The following NF1 variants were observed in gnomAD, a reference collection of about 807,000 sequenced individuals.
NF1 encodes neurofibromin 1.
A neutral mutation model predicts 325.7 loss-of-function variants in NF1; 122 were observed. The ratio of observed to expected loss-of-function variants is 0.37; its 90% CI spans 0.32 to 0.44. The LOEUF is 0.44. NF1 is among the 20% of genes least tolerant of loss of function. NF1 has a pLI of 1.00. For synonymous variants in NF1, 1,091 were observed against 1,186.0 expected (o/e 0.92, Z 1.65); for missense variants, 2,140 against 3,415.4 (o/e 0.63, Z 9.31).
chr17:31,169,959 T>C lies in NF1; in HGVS notation c.548T>C (p.Ile183Thr). 6.3e-7 allele frequency: 1 copy of C among 1,598,618 alleles called. No homozygotes were observed. Among genetic ancestry groups the C allele is most frequent in the South Asian group, 1.1e-5 (1 of 90,762 alleles). Residue 183 changes from isoleucine to threonine, a missense_variant, in exon 5 of 58, where the codon ATC (isoleucine) becomes ACC (threonine). By Grantham distance (89) the Ile-to-Thr change is moderately conservative. Transcript: ENST00000358273. ...CATGATATAGAATTGTTACAGTATA[T>C]CAATGTGGATTGTGCAAAATTAAAA... ...DVHDIELLQY[I>T]NVDCAKLKRL...
intron 55 of NF1, 47 bp downstream of exon 55, chr17:31,358,669 T>C: frequency 6.2e-7 from 1 of 1,604,544 alleles, no homozygotes; most frequent in Non-Finnish European, 8.5e-7. Flanking sequence ...CTTGCTAACA[T>C]GCGCGCTGTT....
chr17:31,277,698 C>T (rs914098542), intron 36 of NF1, among the ~76,000 whole-genome samples: 4 of 152,060 alleles, frequency 2.6e-5, no homozygotes, highest in South Asian at 2.1e-4. Flanking sequence ...TTTTTGGCTC[C>T]GTTTCTGCAG....
intron 35 of NF1, among the ~76,000 whole-genome samples, chr17:31,262,563 G>T (rs556354907): frequency 1.3e-5 from 2 of 152,272 alleles, no homozygotes; most frequent in Admixed American, 1.3e-4. Context: ...GAATAAAACA[G>T]AATCTGATGA....
In NF1 at chr17:31,357,269, G is replaced by A. The variant is rs1597866802; in HGVS notation, c.7870G>A (p.Ala2624Thr). 2 of 1,613,594 alleles carry A rather than the reference G, an allele frequency of 1.2e-6. No homozygotes were observed. The highest frequency in any genetic ancestry group is 1.7e-6 in the Non-Finnish European group (2 of 1,179,618). ...KIQALLLTVL[A>T]TLVKYTTDEF... ...TGTTTACTTTTTTGCATCTTGGCAG[G>A]CTACACTGGTAAAATATACCACAGA... The change falls in exon 54 of 58, where the codon GCT becomes ACT. Residue 2624 changes from alanine to threonine, a missense_variant and splice_region_variant. Coordinates refer to ENST00000358273, the MANE Select transcript of NF1 (RefSeq NM_001042492.3).
intron 50 of NF1, among the ~76,000 whole-genome samples, chr17:31,351,879 C>T (rs1296123177): frequency 1.3e-5 from 2 of 149,242 alleles, no homozygotes; most frequent in African/African-American, 2.5e-5. Context: ...TTTTTTTAAG[C>T]TCATCAACTG....
intron 1 of NF1, among the ~76,000 whole-genome samples, chr17:31,144,303 C>T (rs1916436601): frequency 6.6e-6 from 1 of 152,182 alleles, no homozygotes; most frequent in Non-Finnish European, 1.5e-5. Context: ...TTGAGTAAGA[C>T]TGTTTTCTAA....
intron 36 of NF1, among the ~76,000 whole-genome samples, chr17:31,279,767 A>G (rs2068081889): frequency 1.3e-5 from 2 of 152,192 alleles, no homozygotes; most frequent in Admixed American, 1.3e-4. Flanking sequence ...AATATAGGAA[A>G]AAGAACACAT....
chr17:31,330,467 G>A lies in NF1; in HGVS notation c.5781G>A (p.Leu1927=), dbSNP rs2151544938. 1 of 1,613,432 alleles carries A rather than the reference G, an allele frequency of 6.2e-7. No individual in the cohort carries two copies. Among genetic ancestry groups the A allele is most frequent in the East Asian group, 2.2e-5 (1 of 44,862 alleles). ...AGCCACACCTCACGTTAGAATTTTT[G>A]GAAGAGTGTATTTCTGGATTTAGCA... is the stretch of plus-strand genomic sequence containing the variant. ...ANEPHLTLEF[L]EECISGFSKS... Residue 1927 remains leucine (L), a synonymous_variant, in exon 39 of 58, where the codon TTG becomes TTA. Coordinates refer to ENST00000358273, the MANE Select transcript of NF1 (RefSeq NM_001042492.3).
chr17:31,128,371 T>C (rs1254326365), intron 1 of NF1: 1 of 151,976 alleles, frequency 6.6e-6, no homozygotes, highest in Non-Finnish European at 1.5e-5. Context: ...ATCATGTTGT[T>C]AGCTGGTTAT....
At chr17:31,175,217 A>G (rs1281805729) in intron 5 of NF1, among the ~76,000 whole-genome samples, 1 of 151,770 alleles carries the variant, frequency 6.6e-6, no homozygotes, top group African/African-American at 2.4e-5. Flanking sequence ...GTTATGTTAA[A>G]TATATTTGTT....
At chr17:31,270,121 G>A (rs1322576730) in intron 36 of NF1, among the ~76,000 whole-genome samples, 3 of 152,238 alleles carry the variant, frequency 2.0e-5, no homozygotes, top group Admixed American at 6.5e-5. Context: ...ACGACAGTGT[G>A]TGTGTGCACC....
intron 48 of NF1, chr17:31,346,235 T>G: frequency 6.2e-7 from 1 of 1,609,660 alleles, no homozygotes; most frequent in Non-Finnish European, 8.5e-7. Flanking sequence ...ATTCATTCAG[T>G]AGTGTGTGTA....
intron 36 of NF1, among the ~76,000 whole-genome samples, chr17:31,317,399 A>ACACACACC (rs1447394381): frequency 1.3e-5 from 2 of 151,604 alleles, no homozygotes; most frequent in African/African-American, 4.9e-5. Context: ...ACACACACAC[A>ACACACACC]CACACCCCTA....
intron 29 of NF1, among the ~76,000 whole-genome samples, chr17:31,243,416 G>A (rs765080254): frequency 6.6e-6 from 1 of 151,686 alleles, no homozygotes; most frequent in Admixed American, 6.6e-5. Flanking sequence ...AGTTCTCCGT[G>A]GGTCCAGAGA....
intron 5 of NF1, among the ~76,000 whole-genome samples, chr17:31,179,610 A>G (rs2066088124): frequency 6.6e-6 from 1 of 152,012 alleles, no homozygotes; most frequent in Admixed American, 6.6e-5. Context: ...GTGAAACCCC[A>G]TCTCTACTAA....
intron 8 of NF1, among the ~76,000 whole-genome samples, chr17:31,183,921 G>A (rs756191521): frequency 1.3e-5 from 2 of 152,040 alleles, no homozygotes; most frequent in South Asian, 2.1e-4. Flanking sequence ...GCCTGCAGAC[G>A]GCCTATTGTG....
chr17:31,352,566 A>G (rs770356739), intron 51 of NF1, 152 bp downstream of exon 51: 15 of 671,868 alleles, frequency 2.2e-5, no homozygotes, highest in Non-Finnish European at 2.7e-5. Context: ...AGTTTGATAG[A>G]TCAGTTAAGC....
chr17:31,303,611 G>A (rs1212765564), intron 36 of NF1, among the ~76,000 whole-genome samples: 2 of 151,986 alleles, frequency 1.3e-5, no homozygotes, highest in African/African-American at 2.4e-5. Context: ...AAAGATGCCA[G>A]TTTTAAAATT....
chr17:31,252,024 A>G, intron 30 of NF1: 1 of 216,086 alleles, frequency 4.6e-6, no homozygotes, highest in Non-Finnish European at 9.3e-6. Flanking sequence ...TAGTCCAATC[A>G]AGAGTCTTTT....
Sources: gnomAD v4.1 joint callset for allele counts (sites outside exome capture counted in the v4.1 genomes callset) on GRCh38, gnomAD v4.1.1 for gene constraint, MANE v1.5 for transcripts, NCBI Gene and HGNC (gene_info 2026-07-23, HGNC 2026-07-21) for gene names.